DLGAP1: variants seen among roughly 807,000 people sequenced by gnomAD.
DLGAP1 encodes the protein DLG associated protein 1, also known as disks large-associated protein 1.
Under a neutral mutation model 90.8 loss-of-function variants are expected in DLGAP1, and 11 were observed. The observed-to-expected ratio is 0.12, with a 90% CI of 0.08 to 0.20. DLGAP1 has a LOEUF of 0.20. Ranked by LOEUF, DLGAP1 falls within the 10% of genes least tolerant of loss-of-function variation. The pLI, the probability that DLGAP1 is intolerant of heterozygous loss-of-function variation, is 1.00. For synonymous variants in DLGAP1, 558 were observed against 540.7 expected, an observed-to-expected ratio of 1.03 and a Z score of -0.44; for missense variants, 1,050 against 1,333.8, an observed-to-expected ratio of 0.79 and a Z score of 3.31.
chr18:4,324,908 C>G (rs910927100), intron 1 of DLGAP1, among the ~76,000 whole-genome samples: 11 of 152,166 alleles, frequency 7.2e-5, no homozygotes, highest in African/African-American at 2.4e-4. Flanking sequence ...CAGACAATAT[C>G]ATACTGAATG....
intron 7 of DLGAP1, chr18:3,656,278 C>G: frequency 1.7e-6 from 1 of 573,532 alleles, no homozygotes; most frequent in Non-Finnish European, 3.0e-6. Context: ...AATTTTTAGT[C>G]TTAACTAGGT....
chr18:3,983,724 A>G (rs2073785037), intron 3 of DLGAP1: 3 of 152,222 alleles, frequency 2.0e-5, no homozygotes, highest in Admixed American at 1.3e-4. Flanking sequence ...ACCCCCGTTT[A>G]AAAAAGACTC....
chr18:3,748,193 C>T (rs1022588067), intron 5 of DLGAP1, among the ~76,000 whole-genome samples: 2 of 152,126 alleles, frequency 1.3e-5, no homozygotes, highest in African/African-American at 4.8e-5. Context: ...TGGGAGGTCC[C>T]ATTCATTATC....
chr18:3,919,337 C>A (rs1221140699), intron 3 of DLGAP1, among the ~76,000 whole-genome samples: 1 of 152,172 alleles, frequency 6.6e-6, no homozygotes, highest in African/African-American at 2.4e-5. Context: ...GGTAGCAGTC[C>A]TTTAGTTCAC....
At chr18:3,676,036 T>G (rs192987521) in intron 7 of DLGAP1, among the ~76,000 whole-genome samples, 75 of 152,334 alleles carry the variant, frequency 4.9e-4, no homozygotes, top group Non-Finnish European at 9.3e-4. Context: ...TGTTTTCCTT[T>G]TAATGAAAAG....
intron 1 of DLGAP1, among the ~76,000 whole-genome samples, chr18:4,322,373 CAAG>C (rs2080712510): frequency 6.6e-6 from 1 of 151,934 alleles, no homozygotes; most frequent in South Asian, 2.1e-4. Flanking sequence ...ACAAAGGTGC[CAAG>C]AATACATAAT....
At chr18:4,049,743 C>T (rs898638458) in intron 2 of DLGAP1, among the ~76,000 whole-genome samples, 8 of 152,068 alleles carry the variant, frequency 5.3e-5, no homozygotes, top group African/African-American at 9.7e-5. Context: ...TGTAATCATG[C>T]GCTTAGACTA....
chr18:3,989,304 T>C (rs892593822), intron 3 of DLGAP1, among the ~76,000 whole-genome samples: 4 of 152,310 alleles, frequency 2.6e-5, no homozygotes, highest in Middle Eastern at 3.4e-3. Flanking sequence ...TGTGTTTTAA[T>C]AAAGTGGCAA....
chr18:4,171,615 A>T (rs1292592387), intron 1 of DLGAP1, among the ~76,000 whole-genome samples: 1 of 152,038 alleles, frequency 6.6e-6, no homozygotes, highest in African/African-American at 2.4e-5. Flanking sequence ...CGAATTATTG[A>T]GATGAAAAGC....
At chr18:4,431,826 C>T (rs2083290647) in intron 1 of DLGAP1, among the ~76,000 whole-genome samples, 1 of 152,144 alleles carries the variant, frequency 6.6e-6, no homozygotes, top group South Asian at 2.1e-4. Flanking sequence ...TAGAATCCCA[C>T]CTGCTGGATA....
intron 3 of DLGAP1, among the ~76,000 whole-genome samples, chr18:3,891,421 T>C (rs1051304130): frequency 2.6e-5 from 4 of 152,252 alleles, no homozygotes; most frequent in Middle Eastern, 3.4e-3. Context: ...ACTGGTGCCA[T>C]GGCAAATTCC....
chr18:4,334,716 A>G (rs1432057811), intron 1 of DLGAP1, among the ~76,000 whole-genome samples: 1 of 151,872 alleles, frequency 6.6e-6, no homozygotes, highest in Non-Finnish European at 1.5e-5. Context: ...GTTTGAAACA[A>G]CAGTGGCTGC....
chr18:3,713,788 A>G (rs2061671405), intron 7 of DLGAP1, among the ~76,000 whole-genome samples: 1 of 152,220 alleles, frequency 6.6e-6, no homozygotes, highest in South Asian at 2.1e-4. Flanking sequence ...AGCCTGGCGC[A>G]CTGCAGATGT....
At chr18:4,437,886 T>G (rs1248057763) in intron 1 of DLGAP1, among the ~76,000 whole-genome samples, 1 of 152,142 alleles carries the variant, frequency 6.6e-6, no homozygotes, top group Non-Finnish European at 1.5e-5. Flanking sequence ...GGAATTAACT[T>G]ATAACATATA....
intron 1 of DLGAP1, among the ~76,000 whole-genome samples, chr18:4,372,396 G>A (rs180757029): frequency 1.0e-3 from 152 of 152,332 alleles, no homozygotes; most frequent in Non-Finnish European, 1.7e-3. Flanking sequence ...GTTCAGTTGA[G>A]TGACGACATG....
intron 2 of DLGAP1, among the ~76,000 whole-genome samples, chr18:4,143,635 C>T (rs2076532621): frequency 1.3e-5 from 2 of 151,908 alleles, no homozygotes; most frequent in Non-Finnish European, 2.9e-5. Flanking sequence ...ACCTATGGTG[C>T]AAGACAAAGT....
intron 4 of DLGAP1, among the ~76,000 whole-genome samples, chr18:3,829,682 C>G (rs899402560): frequency 6.6e-6 from 1 of 152,190 alleles, no homozygotes; most frequent in Non-Finnish European, 1.5e-5. Flanking sequence ...GTCAATAAAA[C>G]CTCAATTTTT....
chr18:4,281,659 A>G (rs1410995038), intron 1 of DLGAP1, among the ~76,000 whole-genome samples: 1 of 152,164 alleles, frequency 6.6e-6, no homozygotes, highest in Non-Finnish European at 1.5e-5. Flanking sequence ...TTCCCACAAC[A>G]CCAAGTGAAG....
chr18:4,133,523 A>G (rs1035171609), intron 2 of DLGAP1, among the ~76,000 whole-genome samples: 2 of 152,144 alleles, frequency 1.3e-5, no homozygotes, highest in African/African-American at 4.8e-5. Context: ...TCTGGTCACC[A>G]TCGTCTCTTT....
Sources: allele counts gnomAD v4.1 joint callset (sites outside exome capture counted in the v4.1 genomes callset), GRCh38; gene constraint gnomAD v4.1.1; transcripts MANE v1.5; gene names NCBI Gene and HGNC (gene_info 2026-07-23, HGNC 2026-07-21).